The following NELL1 variants were observed in gnomAD, a reference collection of about 807,000 sequenced individuals.
The protein encoded by NELL1 is protein kinase C-binding protein NELL1.
NELL1 carries 76 observed loss-of-function variants against 107.4 expected under a neutral mutation model. The ratio of observed to expected loss-of-function variants is 0.71; its 90% CI spans 0.59 to 0.86. The LOEUF (loss-of-function observed/expected upper bound fraction) is 0.86. NELL1 is among the 40% of genes least tolerant of loss of function. NELL1 has a pLI of 0.00. For synonymous variants in NELL1, 353 were observed against 341.2 expected (o/e 1.03, Z -0.38); for missense variants, 1,024 against 1,005.5 (o/e 1.02, Z -0.25).
chr11:21,437,222 A>T (rs746363419), intron 15 of NELL1, among the ~76,000 whole-genome samples: 17 of 152,168 alleles, frequency 1.1e-4, no homozygotes, highest in Non-Finnish European at 2.1e-4. Context: ...TGAAGTTTCT[A>T]ACTATTGTAT....
intron 13 of NELL1, among the ~76,000 whole-genome samples, chr11:21,114,042 A>G (rs1855172352): frequency 6.6e-6 from 1 of 152,008 alleles, no homozygotes; most frequent in African/African-American, 2.4e-5. Context: ...TTTTCGTTGC[A>G]TCATGATGAG....
chr11:21,159,283 C>T (rs1437759135), intron 13 of NELL1, among the ~76,000 whole-genome samples: 1 of 152,182 alleles, frequency 6.6e-6, no homozygotes, highest in Non-Finnish European at 1.5e-5. Context: ...TTAAATCATA[C>T]ATCCTCCTCA....
intron 12 of NELL1, among the ~76,000 whole-genome samples, chr11:21,063,378 C>T (rs959718269): frequency 6.6e-6 from 1 of 152,104 alleles, no homozygotes; most frequent in African/African-American, 2.4e-5. Context: ...TTGATTGAAT[C>T]ACTGACCATT....
At chr11:21,254,001 TAAAC>T (rs1422330979) in intron 14 of NELL1, among the ~76,000 whole-genome samples, 1 of 152,176 alleles carries the variant, frequency 6.6e-6, no homozygotes, top group East Asian at 1.9e-4. Flanking sequence ...ATGAGACAGA[TAAAC>T]AAAGTCAGAG....
chr11:20,715,981 G>C (rs1361289983), intron 2 of NELL1, among the ~76,000 whole-genome samples: 1 of 152,068 alleles, frequency 6.6e-6, no homozygotes, highest in Admixed American at 6.5e-5. Flanking sequence ...TACATATTGG[G>C]GCTAAATTAT....
chr11:21,223,948 G>A (rs1032193328), intron 13 of NELL1, among the ~76,000 whole-genome samples: 2 of 152,044 alleles, frequency 1.3e-5, no homozygotes, highest in African/African-American at 4.8e-5. Context: ...GGTTTCTTTG[G>A]TGGCATTTGT....
At chr11:20,676,050 G>T (rs1194526405) in intron 1 of NELL1, among the ~76,000 whole-genome samples, 1 of 151,984 alleles carries the variant, frequency 6.6e-6, no homozygotes, top group Non-Finnish European at 1.5e-5. Context: ...TGCCTGGGTG[G>T]CCTCATTTTC....
At chr11:21,140,106 C>T (rs1590672619) in intron 13 of NELL1, among the ~76,000 whole-genome samples, 2 of 152,126 alleles carry the variant, frequency 1.3e-5, no homozygotes, top group South Asian at 2.1e-4. Flanking sequence ...GAACTAAACA[C>T]CGTGACTGGC....
chr11:20,876,591 G>T (rs1056860739), intron 4 of NELL1, among the ~76,000 whole-genome samples: 2 of 151,926 alleles, frequency 1.3e-5, no homozygotes, highest in Admixed American at 1.3e-4. Context: ...GGTGAAACCC[G>T]GTCTCTACTA....
intron 13 of NELL1, among the ~76,000 whole-genome samples, chr11:21,204,867 C>T (rs1857354288): frequency 6.6e-6 from 1 of 152,132 alleles, no homozygotes; most frequent in African/African-American, 2.4e-5. Flanking sequence ...TAACAGGCCC[C>T]TCTGCTGCAG....
At chr11:20,986,824 C>G (rs1389688876) in intron 12 of NELL1, among the ~76,000 whole-genome samples, 1 of 151,968 alleles carries the variant, frequency 6.6e-6, no homozygotes, top group Non-Finnish European at 1.5e-5. Flanking sequence ...AAATATAGCA[C>G]TCTTTAAGAA....
chr11:20,947,715 A>G (rs1850992884), intron 11 of NELL1, among the ~76,000 whole-genome samples: 1 of 152,202 alleles, frequency 6.6e-6, no homozygotes, highest in South Asian at 2.1e-4. Flanking sequence ...TGTTCAATAA[A>G]TGATAGTTCC....
intron 15 of NELL1, among the ~76,000 whole-genome samples, chr11:21,395,801 C>T (rs777950248): frequency 2.0e-4 from 30 of 150,914 alleles, no homozygotes; most frequent in Non-Finnish European, 3.4e-4. Flanking sequence ...AAAAACTCCT[C>T]GATTGTGTCT....
chr11:21,568,581 G>A (rs1857025427), intron 17 of NELL1, among the ~76,000 whole-genome samples: 1 of 151,736 alleles, frequency 6.6e-6, no homozygotes, highest in Non-Finnish European at 1.5e-5. Context: ...TTGTACAGCA[G>A]TACAAAATAC....
intron 13 of NELL1, among the ~76,000 whole-genome samples, chr11:21,161,649 A>T (rs1183349228): frequency 6.6e-6 from 1 of 152,238 alleles, no homozygotes; most frequent in Non-Finnish European, 1.5e-5. Context: ...TAATTTAAAA[A>T]TTTTATTAAC....
intron 11 of NELL1, among the ~76,000 whole-genome samples, chr11:20,959,439 A>G (rs1274584361): frequency 5.3e-5 from 8 of 152,204 alleles, no homozygotes; most frequent in Non-Finnish European, 1.2e-4. Context: ...CCCATCAATC[A>G]GAGTGGATAA....
intron 3 of NELL1, among the ~76,000 whole-genome samples, chr11:20,785,886 T>TC (rs1484871024): frequency 6.6e-6 from 1 of 151,906 alleles, no homozygotes; most frequent in Non-Finnish European, 1.5e-5. Context: ...TCTTTTGGAT[T>TC]TTTTTTTCAA....
At chr11:21,520,572 G>T (rs748442992) in intron 15 of NELL1, among the ~76,000 whole-genome samples, 3 of 152,128 alleles carry the variant, frequency 2.0e-5, no homozygotes, top group Non-Finnish European at 4.4e-5. Flanking sequence ...TGATAATATT[G>T]CTTAGTTGCA....
chr11:21,429,164 T>TA, intron 15 of NELL1, among the ~76,000 whole-genome samples: 1 of 152,312 alleles, frequency 6.6e-6, no homozygotes, highest in African/African-American at 2.4e-5. Flanking sequence ...TTTATTCATG[T>TA]AAAAAATGGT....
Sources: gnomAD v4.1 joint callset for allele counts (sites outside exome capture counted in the v4.1 genomes callset) on GRCh38, gnomAD v4.1.1 for gene constraint, MANE v1.5 for transcripts, NCBI Gene and HGNC (gene_info 2026-07-23, HGNC 2026-07-21) for gene names.